FAM135B: variants seen among roughly 807,000 people sequenced by gnomAD.
The protein encoded by FAM135B is family with sequence similarity 135 member B.
In FAM135B, 43 loss-of-function variants were observed where a neutral mutation model predicts 127.7. That is an observed-to-expected ratio of 0.34 (90% CI 0.26 to 0.43). The LOEUF (loss-of-function observed/expected upper bound fraction) is 0.43, where lower values mean the gene tolerates loss of function less well. FAM135B is among the 20% of genes least tolerant of loss of function. The probability of loss-of-function intolerance (pLI) is 1.00; values close to 1 mark genes in which losing one functional copy is unlikely to be tolerated. For missense variants in FAM135B, 1,558 were observed against 1,725.6 expected, an observed-to-expected ratio of 0.90 and a Z score of 1.72; for synonymous variants, 670 against 665.1, an observed-to-expected ratio of 1.01 and a Z score of -0.11.
chr8:138,299,153 C>A (rs1236787061), intron 3 of FAM135B, among the ~76,000 whole-genome samples: 4 of 151,422 alleles, frequency 2.6e-5, no homozygotes, highest in Non-Finnish European at 4.4e-5. Flanking sequence ...TTTTGGTGAT[C>A]CCGCTTCCTA....
chr8:138,278,558 T>G, intron 3 of FAM135B, among the ~76,000 whole-genome samples: 1 of 25,546 alleles, frequency 3.9e-5, no homozygotes, highest in Non-Finnish European at 7.8e-5. Context: ...ACATGATTTT[T>G]TTTTTTTTTT....
chr8:138,265,563 T>C (rs1822848334), intron 4 of FAM135B, 140 bp downstream of exon 4: 1 of 844,374 alleles, frequency 1.2e-6, no homozygotes. Context: ...AATAAGTGCA[T>C]GAGTGCACTA....
intron 1 of FAM135B, among the ~76,000 whole-genome samples, chr8:138,380,279 C>A (rs992251993): frequency 6.6e-6 from 1 of 152,100 alleles, no homozygotes; most frequent in Non-Finnish European, 1.5e-5. Context: ...CTCACAGCAA[C>A]CTCCGCCTCC....
chr8:138,381,593 T>C (rs899577474), intron 1 of FAM135B, among the ~76,000 whole-genome samples: 7 of 152,140 alleles, frequency 4.6e-5, no homozygotes, highest in Non-Finnish European at 1.0e-4. Context: ...ATCACATCTG[T>C]GGGACAAACA....
chr8:138,420,336 T>C (rs1269862879), intron 1 of FAM135B, among the ~76,000 whole-genome samples: 2 of 151,924 alleles, frequency 1.3e-5, no homozygotes, highest in Non-Finnish European at 1.5e-5. Flanking sequence ...TAATAATGCA[T>C]TCCAAAACTG....
intron 3 of FAM135B, among the ~76,000 whole-genome samples, chr8:138,277,015 G>A (rs1008983800): frequency 1.3e-5 from 2 of 152,220 alleles, no homozygotes; most frequent in Non-Finnish European, 2.9e-5. Flanking sequence ...TGCACTGGCT[G>A]AATATTGCCC....
chr8:138,142,258 C>T (rs1817231043), intron 16 of FAM135B, among the ~76,000 whole-genome samples: 1 of 136,138 alleles, frequency 7.3e-6, no homozygotes. Context: ...GAAACTCTCT[C>T]TTTGGGGTGG....
rs975585635 is a variant in FAM135B, at chr8:138,180,126, G to A, written c.874-1436C>T. 3.3e-5 allele frequency among the ~76,000 whole-genome samples: 5 copies of A among 152,162 alleles called. No homozygotes were observed. The East Asian group carries it at 7.7e-4, about 23-fold the overall frequency. On this transcript the variant is annotated intron_variant, in intron 9 of 19. Coordinates refer to ENST00000395297, the MANE Select transcript of FAM135B (RefSeq NM_015912.4). Reference sequence around the variant, plus strand: ...AATACCAGGAGAACCATCTTTTGGGGGAGTAACTCGAATTCTGGAGAGGTG... The same window carrying A: ...AATACCAGGAGAACCATCTTTTGGGAGAGTAACTCGAATTCTGGAGAGGTG...
chr8:138,310,589 A>G (rs1826605635), intron 3 of FAM135B, among the ~76,000 whole-genome samples: 1 of 152,200 alleles, frequency 6.6e-6, no homozygotes, highest in South Asian at 2.1e-4. Context: ...AACCCTCCAC[A>G]GCCAGTTTAT....
At chr8:138,436,889 C>T (rs1334195771) in intron 1 of FAM135B, 2 of 152,226 alleles carry the variant, frequency 1.3e-5, no homozygotes, top group Non-Finnish European at 2.9e-5. Context: ...GACATATTTA[C>T]TATAGTATCT....
chr8:138,423,207 A>G (rs2131465476), intron 1 of FAM135B, among the ~76,000 whole-genome samples: 1 of 152,260 alleles, frequency 6.6e-6, no homozygotes, highest in Non-Finnish European at 1.5e-5. Flanking sequence ...TGTAAGCCAA[A>G]CCCAGACAAG....
At chr8:138,133,886 C>G (rs113689586) in intron 19 of FAM135B, among the ~76,000 whole-genome samples, 5 of 152,156 alleles carry the variant, frequency 3.3e-5, no homozygotes, top group African/African-American at 9.6e-5. Context: ...CTTTTCCCCC[C>G]CTTCTTAGGG....
At chr8:138,206,055 C>T (rs887842647) in intron 7 of FAM135B, among the ~76,000 whole-genome samples, 2 of 150,660 alleles carry the variant, frequency 1.3e-5, no homozygotes, top group African/African-American at 4.9e-5. Flanking sequence ...CCAGCATCCC[C>T]GCCATCTATG....
At chr8:138,220,061 T>TCACACACACACACA (rs3221962) in intron 7 of FAM135B, among the ~76,000 whole-genome samples, 7,480 of 146,390 alleles carry the variant, frequency 0.051, 242 homozygotes, top group East Asian at 0.11. Flanking sequence ...TTGCCTAAAA[T>TCACACACACACACA]CACACACACA....
chr8:138,448,031 G>C (rs1239257922), intron 1 of FAM135B, among the ~76,000 whole-genome samples: 1 of 151,160 alleles, frequency 6.6e-6, no homozygotes, highest in African/African-American at 2.4e-5. Context: ...CTGAATCAAG[G>C]CCTCAAGCTA....
chr8:138,303,090 T>A (rs1439222167), intron 3 of FAM135B, among the ~76,000 whole-genome samples: 1 of 152,204 alleles, frequency 6.6e-6, no homozygotes, highest in Non-Finnish European at 1.5e-5. Context: ...ACTGGGTGTA[T>A]ATCCAAAGGA....
At chr8:138,309,350 C>T (rs1826492731) in intron 3 of FAM135B, among the ~76,000 whole-genome samples, 1 of 152,192 alleles carries the variant, frequency 6.6e-6, no homozygotes, top group Admixed American at 6.5e-5. Flanking sequence ...GCCTACTTAT[C>T]AGATGCCTGA....
At chr8:138,168,293 G>A (rs1018544482) in intron 11 of FAM135B, among the ~76,000 whole-genome samples, 1 of 152,140 alleles carries the variant, frequency 6.6e-6, no homozygotes, top group East Asian at 1.9e-4. Flanking sequence ...CTTGACAAGA[G>A]TATTTATCAT....
intron 2 of FAM135B, among the ~76,000 whole-genome samples, chr8:138,342,820 A>G (rs1204550781): frequency 6.6e-6 from 1 of 152,176 alleles, no homozygotes; most frequent in African/African-American, 2.4e-5. Flanking sequence ...ATGCATCCCC[A>G]TAGACATGTC....
Sources: allele counts gnomAD v4.1 joint callset (sites outside exome capture counted in the v4.1 genomes callset), GRCh38; gene constraint gnomAD v4.1.1; transcripts MANE v1.5; gene names NCBI Gene and HGNC (gene_info 2026-07-23, HGNC 2026-07-21).